Variants in ARFGEF3 observed in about 807,000 individuals in gnomAD.
ARFGEF3 encodes brefeldin A-inhibited guanine nucleotide-exchange protein 3.
A neutral mutation model predicts 221.7 loss-of-function variants in ARFGEF3; 96 were observed. That is an observed-to-expected ratio of 0.43 (90% CI 0.37 to 0.51). ARFGEF3 has a LOEUF of 0.51. Ranked by LOEUF, ARFGEF3 falls within the 20% of genes least tolerant of loss-of-function variation. The probability of loss-of-function intolerance (pLI) is 0.00; values close to 1 mark genes in which losing one functional copy is unlikely to be tolerated. For missense variants in ARFGEF3, 2,410 were observed against 2,789.9 expected (o/e 0.86, Z 3.07); for synonymous variants, 1,145 against 1,126.8 (o/e 1.02, Z -0.32).
chr6:138,294,464 C>T lies in ARFGEF3; in HGVS notation c.3502+338C>T, dbSNP rs555588561. On this transcript the variant is annotated intron_variant, in intron 20 of 33. Coordinates refer to ENST00000251691, the MANE Select transcript of ARFGEF3 (RefSeq NM_020340.5). ...TTCACATGAGGGTGGAGCTTTTCTG[C>T]GTATCACAAACCACACCACACACCT... 8.9e-4 allele frequency among the ~76,000 whole-genome samples: 135 copies of T among 152,302 alleles called. No individual in the cohort carries two copies. In the South Asian group the frequency reaches 9.5e-3, roughly 11 times the overall value.
chr6:138,235,744 A>G (rs1216883468), intron 5 of ARFGEF3, among the ~76,000 whole-genome samples: 2 of 151,720 alleles, frequency 1.3e-5, no homozygotes, highest in African/African-American at 4.8e-5. Flanking sequence ...AGATGTCAAG[A>G]TAGCTGAGAA....
At chr6:138,254,128 A>C (rs761104166) in intron 9 of ARFGEF3, 144 bp downstream of exon 9, 75 of 579,204 alleles carry the variant, frequency 1.3e-4, no homozygotes, top group Non-Finnish European at 2.0e-4. Flanking sequence ...GAAAGCAGGG[A>C]AATTGTGGCC....
chr6:138,324,299 A>G (rs1186280922), intron 31 of ARFGEF3, 145 bp downstream of exon 31: 2 of 899,282 alleles, frequency 2.2e-6, no homozygotes, highest in East Asian at 5.2e-5. Context: ...TGCCACTACC[A>G]TTCTTTGCCA....
At chr6:138,190,401 G>A (rs1166805391) in intron 2 of ARFGEF3, among the ~76,000 whole-genome samples, 1 of 152,020 alleles carries the variant, frequency 6.6e-6, no homozygotes, top group East Asian at 1.9e-4. Flanking sequence ...GTGTCAAGTG[G>A]ATATGAGCCG....
intron 2 of ARFGEF3, among the ~76,000 whole-genome samples, chr6:138,203,663 G>A (rs1043764812): frequency 1.3e-5 from 2 of 151,742 alleles, no homozygotes; most frequent in Non-Finnish European, 2.9e-5. Context: ...TTTTTTTTAA[G>A]ACCAAGTCTC....
At chr6:138,302,520 TG>T (rs1324599375) in intron 22 of ARFGEF3, among the ~76,000 whole-genome samples, 2 of 152,102 alleles carry the variant, frequency 1.3e-5, no homozygotes, top group East Asian at 3.9e-4. Flanking sequence ...GACAAACAGA[TG>T]GGAAAATATA....
rs1780085326 is a variant in ARFGEF3 at position 138,324,073 on chromosome 6, C to A, written c.4920C>A (p.Gly1640=). Residue 1640 remains glycine (G), a synonymous_variant, in exon 31 of 34, where the codon GGC becomes GGA. Coordinates refer to ENST00000251691, the MANE Select transcript of ARFGEF3 (RefSeq NM_020340.5). ...HSGTESFSGE[G]CQVRVAAPSS... ...GCACGGAGAGCTTCAGCGGGGAAGG[C>A]TGCCAGGTGCGAGTGGCGGCCCCGT... 6.2e-7 allele frequency: 1 copy of A among 1,613,922 alleles called. No homozygotes were observed. Among genetic ancestry groups the A allele is most frequent in the Middle Eastern group, 1.7e-4 (1 of 6,060 alleles).
At chr6:138,284,484 C>T (rs1021214965) in intron 14 of ARFGEF3, among the ~76,000 whole-genome samples, 1 of 152,208 alleles carries the variant, frequency 6.6e-6, no homozygotes, top group African/African-American at 2.4e-5. Flanking sequence ...GAGCCTGACT[C>T]AGGGCTACAA....
chr6:138,238,175 G>A (rs1439383936), intron 5 of ARFGEF3, among the ~76,000 whole-genome samples: 2 of 152,080 alleles, frequency 1.3e-5, no homozygotes, highest in Admixed American at 1.3e-4. Context: ...CACTACGAAG[G>A]GAGCTTTTTC....
intron 2 of ARFGEF3, among the ~76,000 whole-genome samples, chr6:138,203,362 C>T (rs1335403410): frequency 6.6e-6 from 1 of 152,140 alleles, no homozygotes; most frequent in East Asian, 1.9e-4. Flanking sequence ...TCAATTTTCT[C>T]AAATTTAGAA....
At chr6:138,278,317 G>C in intron 12 of ARFGEF3, 134 bp from the exon 13 acceptor site, 1 of 829,910 alleles carries the variant, frequency 1.2e-6, no homozygotes, top group Non-Finnish European at 1.9e-6. Flanking sequence ...GGATATTCCT[G>C]GCTAGCTGTC....
chr6:138,319,903 C>CATTCTGGGT (rs1385026728), intron 28 of ARFGEF3, 24 bp downstream of exon 28: 1 of 1,607,106 alleles, frequency 6.2e-7, no homozygotes, highest in Non-Finnish European at 8.5e-7. Context: ...CAGAGCAGTT[C>CATTCTGGGT]ATTCTGGGTA....
chr6:138,178,529 A>G (rs907195529), intron 2 of ARFGEF3, among the ~76,000 whole-genome samples: 1 of 151,980 alleles, frequency 6.6e-6, no homozygotes, highest in Non-Finnish European at 1.5e-5. Context: ...TTGTGTCCTC[A>G]CCGTTCTTCT....
chr6:138,264,903 C>CTTT (rs777385641), intron 12 of ARFGEF3, among the ~76,000 whole-genome samples: 4 of 137,376 alleles, frequency 2.9e-5, no homozygotes, highest in Non-Finnish European at 3.2e-5. Flanking sequence ...TTTTTTTTTC[C>CTTT]TTTTTTTTTT....
chr6:138,309,603 T>G (rs2114663776), intron 24 of ARFGEF3, among the ~76,000 whole-genome samples: 1 of 152,272 alleles, frequency 6.6e-6, no homozygotes, highest in Non-Finnish European at 1.5e-5. Context: ...CTTAGAACAT[T>G]CCTACAATTA....
chr6:138,191,710 A>G (rs1777306798), intron 2 of ARFGEF3, among the ~76,000 whole-genome samples: 1 of 152,218 alleles, frequency 6.6e-6, no homozygotes. Context: ...AACTCAAAAT[A>G]TACAAAAATA....
At chr6:138,190,146 G>C (rs1777272381) in intron 2 of ARFGEF3, among the ~76,000 whole-genome samples, 1 of 140,316 alleles carries the variant, frequency 7.1e-6, no homozygotes, top group Admixed American at 7.0e-5. Flanking sequence ...TAGAAAGGCA[G>C]TTCACTTGCT....
intron 21 of ARFGEF3, 70 bp from the exon 22 acceptor site, chr6:138,298,536 G>A (rs1302097510): frequency 6.1e-6 from 8 of 1,301,932 alleles, no homozygotes; most frequent in Non-Finnish European, 8.5e-6. Flanking sequence ...GGTGGGGTAG[G>A]AAAGCCTTCA....
At chr6:138,224,632 A>G (rs1208875556) in intron 4 of ARFGEF3, among the ~76,000 whole-genome samples, 1 of 152,262 alleles carries the variant, frequency 6.6e-6, no homozygotes, top group Admixed American at 6.5e-5. Context: ...AGCATGGGCC[A>G]AGGCCCAGCT....
Sources: gnomAD v4.1 joint callset for allele counts (sites outside exome capture counted in the v4.1 genomes callset) on GRCh38, gnomAD v4.1.1 for gene constraint, MANE v1.5 for transcripts, NCBI Gene and HGNC (gene_info 2026-07-23, HGNC 2026-07-21) for gene names.